The following SP140 variants were observed in gnomAD, a reference collection of about 807,000 sequenced individuals.
SP140 encodes nuclear body protein SP140.
In SP140, 81 loss-of-function variants were observed where a neutral mutation model predicts 125.0. That is an observed-to-expected ratio of 0.65 (90% CI 0.54 to 0.78). The LOEUF (loss-of-function observed/expected upper bound fraction) is 0.78. SP140 is among the 30% of genes least tolerant of loss of function. The pLI is 0.00. For missense variants in SP140, 858 were observed against 1,037.0 expected (o/e 0.83, Z 2.37); for synonymous variants, 312 against 354.0 (o/e 0.88, Z 1.33).
At chr2:230,222,056 C>T (rs147142572), upstream of SP140, among the ~76,000 whole-genome samples, 23 of 152,176 alleles carry the variant, frequency 1.5e-4, 1 homozygote, top group East Asian at 3.7e-3. Flanking sequence ...GGCAAAATCC[C>T]GTCTCTACTA....
rs1169421402 is a variant in SP140 at position 230,225,763 on chromosome 2, G to C, written c.-82G>C. The C allele has an allele frequency of 3.5e-6, 4 of 1,145,538 alleles. No individual in the cohort carries two copies. The highest frequency in any genetic ancestry group is 5.3e-6 in the Non-Finnish European group (4 of 752,550). The allele number at this position is 1,145,538 out of a possible 1,614,324, so 71.0% of individuals were successfully genotyped here. A position where few individuals can be genotyped will look rare whatever the true frequency, so the allele number is the denominator to read the frequency against. ...TTTCCTCTTTGACTGAGCACCGAGG[G>C]GCAGTTGGCAGCTTCACCTCAGAGC... is the stretch of plus-strand genomic sequence containing the variant. On this transcript the variant is annotated 5_prime_UTR_variant, in exon 1 of 27. Coordinates refer to ENST00000392045, the MANE Select transcript of SP140 (RefSeq NM_007237.5).
upstream of SP140, among the ~76,000 whole-genome samples, chr2:230,222,840 G>GTTTT (rs35018428): frequency 1.6e-5 from 2 of 128,938 alleles, no homozygotes; most frequent in Non-Finnish European, 1.6e-5. Flanking sequence ...GTGTATTAAA[G>GTTTT]TTTTTTTTTT....
At chr2:230,289,939 G>A (rs974644376) in intron 18 of SP140, among the ~76,000 whole-genome samples, 1 of 152,012 alleles carries the variant, frequency 6.6e-6, no homozygotes, top group Non-Finnish European at 1.5e-5. Context: ...TCTTAGCTAC[G>A]GGGAAAGCAG....
intron 12 of SP140, among the ~76,000 whole-genome samples, chr2:230,261,146 G>A (rs2052166207): frequency 6.6e-6 from 1 of 152,058 alleles, no homozygotes; most frequent in Admixed American, 6.6e-5. Flanking sequence ...CCTTGTAGAG[G>A]TCTTTCGACT....
chr2:230,210,109 G>A lies in SP140; in HGVS notation c.-322-3545G>A. 3 of 798,546 alleles carry A rather than the reference G, an allele frequency of 3.8e-6. No individual in the cohort carries two copies. In the South Asian group the frequency reaches 4.0e-5, roughly 11 times the overall value. The allele number at this position is 798,546 out of a possible 1,614,324, so 49.5% of individuals were successfully genotyped here. A position where few individuals can be genotyped will look rare whatever the true frequency, so the allele number is the denominator to read the frequency against. Reference sequence around the variant, plus strand: ...ACTAGAAAAGTAGAAAGTACATGCAGCCCAGGGCCGGGAATCTGCTTGCCC... The same window carrying A: ...ACTAGAAAAGTAGAAAGTACATGCAACCCAGGGCCGGGAATCTGCTTGCCC... On this transcript the variant is annotated intron_variant, in intron 1 of 4. Coordinates refer to the SP140 transcript ENST00000456542.
Position 230,311,015 on chromosome 2 carries a change from G to A in SP140, c.2284-139G>A, listed in dbSNP as rs2059284885. The A allele has an allele frequency of 3.3e-6, 4 of 1,200,230 alleles. 1 individual carries two copies. Among genetic ancestry groups the A allele is most frequent in the Admixed American group, 5.7e-5 (2 of 35,214 alleles). The allele number at this position is 1,200,230 out of a possible 1,614,324, so 74.3% of individuals were successfully genotyped here. A position where few individuals can be genotyped will look rare whatever the true frequency, so the allele number is the denominator to read the frequency against. ...CCTTGTTTGCACAAAAAATAACTCA[G>A]CCATGACATGTCTGTTTCCAAGAGC... On this transcript the variant is annotated intron_variant, in intron 24 of 26. Coordinates refer to ENST00000392045, the MANE Select transcript of SP140 (RefSeq NM_007237.5).
rs2056601493 is a variant in SP140 at position 230,287,948 on chromosome 2, A to G, written c.1702A>G (p.Lys568Glu). 1.9e-6 allele frequency: 3 copies of G among 1,611,864 alleles called. No individual in the cohort carries two copies. Among genetic ancestry groups the G allele is most frequent in the Admixed American group, 1.7e-5 (1 of 59,506 alleles). Residue 568 changes from lysine to glutamate, a missense_variant, in exon 18 of 27, where the codon AAA becomes GAA. Physicochemically the swap from Lys to Glu is moderately conservative, Grantham distance 56. This residue lies in a region of SP140 where 791 missense variants were observed against 869.5 expected (regional missense o/e 0.91). Coordinates refer to ENST00000392045, the MANE Select transcript of SP140 (RefSeq NM_007237.5). ...CACTCAGAGTGACAGAGCTGCACAG[A>G]AAAGAGTCCGATCAAGAGGTAAAAA... ...RFTQSDRAAQKRVRSRASRKH... is the reference protein window; with the variant it reads ...RFTQSDRAAQERVRSRASRKH...
the SP140 span, among the ~76,000 whole-genome samples, chr2:230,196,473 A>C: frequency 2.6e-5 from 4 of 152,106 alleles, no homozygotes; most frequent in Non-Finnish European, 4.4e-5. Context: ...ATGCATACTT[A>C]TACAAAAATA....
At chr2:230,305,605 G>C (rs903364213) in intron 22 of SP140, among the ~76,000 whole-genome samples, 5 of 152,246 alleles carry the variant, frequency 3.3e-5, no homozygotes, top group African/African-American at 1.2e-4. Context: ...GGAGGGGTGA[G>C]CAGAGAGAGG....
chr2:230,267,856 A>G (rs933676309), intron 12 of SP140, among the ~76,000 whole-genome samples: 3 of 152,186 alleles, frequency 2.0e-5, no homozygotes, highest in African/African-American at 7.2e-5. Flanking sequence ...TTCTTTCACA[A>G]ATTGACAAGA....
At chr2:230,205,412 A>T (rs1390836889) in intron 1 of SP140, among the ~76,000 whole-genome samples, 1 of 151,576 alleles carries the variant, frequency 6.6e-6, no homozygotes, top group Admixed American at 6.6e-5. Context: ...ATCCAAAGTG[A>T]CTCCCACCCC....
intron 22 of SP140, 89 bp from the exon 23 acceptor site, chr2:230,309,835 C>T: frequency 7.3e-7 from 1 of 1,361,684 alleles, no homozygotes; most frequent in Non-Finnish European, 1.0e-6. Flanking sequence ...TGCAGGTTCA[C>T]ACAAAGGCAG....
upstream of SP140, among the ~76,000 whole-genome samples, chr2:230,222,636 A>C (rs1279124814): frequency 1.3e-5 from 2 of 151,674 alleles, no homozygotes; most frequent in African/African-American, 4.8e-5. Flanking sequence ...AAGTGGGAGA[A>C]TTGCTTGAGC....
chr2:230,194,804 A>T, the SP140 span, among the ~76,000 whole-genome samples: 2 of 152,226 alleles, frequency 1.3e-5, no homozygotes, highest in Non-Finnish European at 2.9e-5. Context: ...CTGATGCCTC[A>T]TGTCCACCTC....
rs200759635 is a variant in SP140 at position 230,211,603 on chromosome 2, C to T, written c.-322-2051C>T. ...AGATCTCAGGAACAGCAAGCAGGGA[C>T]CAGAATGAGGAGAAAAGAGAATGCT... On this transcript the variant is annotated intron_variant, in intron 1 of 4. Transcript: ENST00000456542. This position sits in a 1 kb window ranked among gnomAD's most constrained non-coding sequence, Gnocchi z 4.2. 9.9e-5 allele frequency: 108 copies of T among 1,092,462 alleles called. No individual in the cohort carries two copies. In the African/African-American group the frequency reaches 1.6e-3, roughly 16 times the overall value. The allele number at this position is 1,092,462 out of a possible 1,614,324, so 67.7% of individuals were successfully genotyped here.
chr2:230,198,531 C>T (rs192027071), upstream of SP140, among the ~76,000 whole-genome samples: 17 of 152,214 alleles, frequency 1.1e-4, no homozygotes, highest in Middle Eastern at 3.2e-3. Context: ...TTAAAGATTA[C>T]ATTTCCCAGC....
chr2:230,246,251 T>C (rs549110058), intron 7 of SP140, among the ~76,000 whole-genome samples: 10 of 152,316 alleles, frequency 6.6e-5, no homozygotes, highest in Middle Eastern at 3.4e-3. Flanking sequence ...TGGTTGGGGC[T>C]TTCCTGCATA....
chr2:230,297,674 A>C (rs1257946840), intron 22 of SP140, among the ~76,000 whole-genome samples: 1 of 152,204 alleles, frequency 6.6e-6, no homozygotes. Flanking sequence ...GTTTCAGTAG[A>C]AACCTTCCAA....
chr2:230,280,114 G>A (rs1575177108), intron 15 of SP140, among the ~76,000 whole-genome samples: 1 of 152,164 alleles, frequency 6.6e-6, no homozygotes, highest in East Asian at 1.9e-4. Context: ...TGCTCCATCA[G>A]ATTTGCATAC....
Sources: gnomAD v4.1 joint callset for allele counts (sites outside exome capture counted in the v4.1 genomes callset) on GRCh38, gnomAD v4.1.1 for gene constraint, gnomAD v4.1.1 regional missense constraint, Gnocchi (gnomAD v3.1) non-coding constraint, MANE v1.5 for transcripts, NCBI Gene and HGNC (gene_info 2026-07-23, HGNC 2026-07-21) for gene names.